The following RBFOX1 variants were observed in gnomAD, a reference collection of about 807,000 sequenced individuals.
RBFOX1 encodes RNA binding fox-1 homolog 1.
RBFOX1 carries 8 observed loss-of-function variants against 57.7 expected under a neutral mutation model. That is an observed-to-expected ratio of 0.14 (90% CI 0.08 to 0.25). RBFOX1 has a LOEUF of 0.25. Ranked by LOEUF, RBFOX1 falls within the 10% of genes least tolerant of loss-of-function variation. The probability of loss-of-function intolerance (pLI) is 1.00; values close to 1 mark genes in which losing one functional copy is unlikely to be tolerated. For synonymous variants in RBFOX1, 326 were observed against 222.4 expected (o/e 1.47, Z -4.15); for missense variants, 611 against 548.5 (o/e 1.11, Z -1.14).
chr16:5,509,078 T>C (rs1052880289), intron 2 of RBFOX1, among the ~76,000 whole-genome samples: 4 of 152,312 alleles, frequency 2.6e-5, no homozygotes, highest in Middle Eastern at 3.4e-3. Flanking sequence ...GCTGGAAATA[T>C]AACGTGGAGT....
chr16:5,284,755 GAT>G (rs2063351103), intron 1 of RBFOX1, among the ~76,000 whole-genome samples: 1 of 28,504 alleles, frequency 3.5e-5, no homozygotes, highest in African/African-American at 1.4e-4. Flanking sequence ...TTTTGGCTTA[GAT>G]TTTTTTTTTT....
intron 4 of RBFOX1, among the ~76,000 whole-genome samples, chr16:7,212,555 C>T (rs566692925): frequency 5.9e-5 from 9 of 152,058 alleles, no homozygotes; most frequent in African/African-American, 2.2e-4. Flanking sequence ...TGGGCACGAA[C>T]ATTTTTCCAA....
chr16:7,521,984 T>C (rs1012477533), intron 5 of RBFOX1, among the ~76,000 whole-genome samples: 1 of 152,182 alleles, frequency 6.6e-6, no homozygotes, highest in Admixed American at 6.5e-5. Context: ...AGCTCTTGGA[T>C]TCATCCCATA....
chr16:5,839,443 A>T (rs1262601449), intron 3 of RBFOX1, among the ~76,000 whole-genome samples: 2 of 152,160 alleles, frequency 1.3e-5, no homozygotes, highest in African/African-American at 2.4e-5. Flanking sequence ...TATTGGCATT[A>T]TCTGGTCCTG....
intron 2 of RBFOX1, among the ~76,000 whole-genome samples, chr16:6,559,771 G>A (rs914567761): frequency 7.2e-5 from 11 of 151,928 alleles, no homozygotes; most frequent in African/African-American, 2.2e-4. Flanking sequence ...CACCTACTAT[G>A]TGCCAGGCGC....
chr16:7,709,331 AGTT>A, intron 15 of RBFOX1, among the ~76,000 whole-genome samples, 200 bp downstream of exon 15: 2 of 152,328 alleles, frequency 1.3e-5, no homozygotes, highest in South Asian at 4.1e-4. Context: ...AGTGCATGTA[AGTT>A]ATTATATTTC....
chr16:6,930,957 AC>A (rs1012054144), intron 3 of RBFOX1, among the ~76,000 whole-genome samples: 14 of 149,818 alleles, frequency 9.3e-5, no homozygotes, highest in African/African-American at 2.7e-4. Flanking sequence ...ATAGTATCCC[AC>A]CCCCCTACAC....
intron 3 of RBFOX1, among the ~76,000 whole-genome samples, chr16:5,846,944 C>T (rs2151857152): frequency 1.3e-5 from 2 of 152,248 alleles, no homozygotes; most frequent in South Asian, 2.1e-4. Context: ...GCATTTGGGT[C>T]CAGGCTGCAC....
intron 4 of RBFOX1, among the ~76,000 whole-genome samples, chr16:7,404,956 C>T (rs948940477): frequency 3.3e-5 from 5 of 152,158 alleles, no homozygotes; most frequent in African/African-American, 4.8e-5. Flanking sequence ...CTCATGTCTA[C>T]TCCCTCTAGT....
intron 1 of RBFOX1, among the ~76,000 whole-genome samples, chr16:5,442,582 C>T (rs1377191503): frequency 6.6e-6 from 1 of 152,182 alleles, no homozygotes; most frequent in Non-Finnish European, 1.5e-5. Flanking sequence ...GAAGGGAGGA[C>T]AGCCATGTTT....
At chr16:6,439,036 CT>C (rs993076423) in intron 2 of RBFOX1, among the ~76,000 whole-genome samples, 2 of 152,118 alleles carry the variant, frequency 1.3e-5, no homozygotes, top group African/African-American at 2.4e-5. Flanking sequence ...GAGAGATGTC[CT>C]GGAAACTGAC....
intron 3 of RBFOX1, among the ~76,000 whole-genome samples, chr16:5,776,332 G>C (rs980600488): frequency 6.6e-6 from 1 of 152,172 alleles, no homozygotes; most frequent in African/African-American, 2.4e-5. Context: ...CACTCTGTGT[G>C]TTCTTTTTTG....
chr16:7,191,807 T>C (rs2085458937), intron 4 of RBFOX1, among the ~76,000 whole-genome samples: 1 of 152,208 alleles, frequency 6.6e-6, no homozygotes, highest in African/African-American at 2.4e-5. Flanking sequence ...ACTGTAAGCA[T>C]AGCCTTCTAA....
At chr16:5,272,574 A>G (rs2063040422) in intron 1 of RBFOX1, among the ~76,000 whole-genome samples, 1 of 152,110 alleles carries the variant, frequency 6.6e-6, no homozygotes, top group Non-Finnish European at 1.5e-5. Context: ...CTCTACCGAT[A>G]CCCCACTGAC....
intron 4 of RBFOX1, among the ~76,000 whole-genome samples, chr16:7,052,486 G>T (rs2050442984): frequency 6.6e-6 from 1 of 152,204 alleles, no homozygotes; most frequent in Non-Finnish European, 1.5e-5. Flanking sequence ...CTCTTTGGCT[G>T]TTGACTGGGG....
intron 3 of RBFOX1, among the ~76,000 whole-genome samples, chr16:6,663,488 A>G (rs2098713882): frequency 6.6e-6 from 1 of 152,132 alleles, no homozygotes; most frequent in Non-Finnish European, 1.5e-5. Context: ...ATAGCAGAAC[A>G]AAGACATGGG....
At chr16:5,703,740 T>C (rs902471881) in intron 3 of RBFOX1, among the ~76,000 whole-genome samples, 7 of 152,108 alleles carry the variant, frequency 4.6e-5, no homozygotes, top group Non-Finnish European at 1.0e-4. Context: ...GTGTCAAATG[T>C]GTGTGTATAT....
At chr16:6,461,250 A>C (rs2094912300) in intron 2 of RBFOX1, among the ~76,000 whole-genome samples, 1 of 152,170 alleles carries the variant, frequency 6.6e-6, no homozygotes, top group Non-Finnish European at 1.5e-5. Flanking sequence ...CATGTATCCC[A>C]GAACTTAAAA....
At chr16:6,890,766 A>C (rs77453468) in intron 3 of RBFOX1, among the ~76,000 whole-genome samples, 2,066 of 152,286 alleles carry the variant, frequency 0.014, 51 homozygotes, top group African/African-American at 0.047. Flanking sequence ...CTTCTGATTT[A>C]AGCTTTTTTA....
Sources: allele counts gnomAD v4.1 joint callset (sites outside exome capture counted in the v4.1 genomes callset), GRCh38; gene constraint gnomAD v4.1.1; transcripts MANE v1.5; gene names NCBI Gene and HGNC (gene_info 2026-07-23, HGNC 2026-07-21).